GALNT13: variants seen among roughly 807,000 people sequenced by gnomAD.
GALNT13 encodes the protein polypeptide N-acetylgalactosaminyltransferase 13, also known as UDP-GalNAc:polypeptide N-acetylgalactosaminyltransferase 13.
In GALNT13, 28 loss-of-function variants were observed where a neutral mutation model predicts 64.2. The observed-to-expected ratio is 0.44, with a 90% CI of 0.32 to 0.60. GALNT13 has a LOEUF of 0.60. Ranked by LOEUF, GALNT13 falls within the 20% of genes least tolerant of loss-of-function variation. The pLI is 0.05. For synonymous variants in GALNT13, 214 were observed against 224.6 expected, an observed-to-expected ratio of 0.95 and a Z score of 0.42; for missense variants, 577 against 669.8, an observed-to-expected ratio of 0.86 and a Z score of 1.53.
At chr2:154,233,827 G>C (rs1479188804) in intron 4 of GALNT13, among the ~76,000 whole-genome samples, 1 of 152,082 alleles carries the variant, frequency 6.6e-6, no homozygotes, top group African/African-American at 2.4e-5. Flanking sequence ...GTAGGAGGGG[G>C]TGCAAGATGG....
At chr2:153,897,717 A>G (rs944509107) in intron 1 of GALNT13, among the ~76,000 whole-genome samples, 3 of 152,074 alleles carry the variant, frequency 2.0e-5, no homozygotes, top group Non-Finnish European at 2.9e-5. Context: ...CAGTCCATCT[A>G]TACTTTTTAG....
At chr2:153,680,471 A>G in the GALNT13 span, among the ~76,000 whole-genome samples, 1 of 151,908 alleles carries the variant, frequency 6.6e-6, no homozygotes, top group African/African-American at 2.4e-5. Context: ...GAGTTTGCAT[A>G]AAAGAGAATA....
At chr2:153,965,490 C>T (rs1433915503) in intron 3 of GALNT13, among the ~76,000 whole-genome samples, 4 of 152,054 alleles carry the variant, frequency 2.6e-5, no homozygotes, top group Non-Finnish European at 5.9e-5. Flanking sequence ...AGAGAATCTC[C>T]TCCTGTCAGA....
intron 9 of GALNT13, among the ~76,000 whole-genome samples, chr2:154,334,709 T>C (rs1291527760): frequency 6.6e-6 from 1 of 152,006 alleles, no homozygotes; most frequent in East Asian, 1.9e-4. Context: ...TCTCACTACA[T>C]AGGTTTGGGC....
At chr2:153,345,635 T>TTCTTTCTTTCTTTCTTTC in the GALNT13 span, among the ~76,000 whole-genome samples, 1 of 68,806 alleles carries the variant, frequency 1.5e-5, no homozygotes, top group Non-Finnish European at 3.0e-5. Flanking sequence ...TTTCCTTTCT[T>TTCTTTCTTTCTTTCTTTC]TTTCTTTCTT....
At chr2:153,942,704 T>C (rs942164736) in intron 2 of GALNT13, among the ~76,000 whole-genome samples, 11 of 152,132 alleles carry the variant, frequency 7.2e-5, no homozygotes, top group Admixed American at 1.3e-4. Flanking sequence ...TATATATATA[T>C]ACACATTCTG....
At chr2:153,120,832 A>G in the GALNT13 span, among the ~76,000 whole-genome samples, 1 of 152,148 alleles carries the variant, frequency 6.6e-6, no homozygotes, top group Admixed American at 6.5e-5. Context: ...TCACAGCTGG[A>G]GGGGCCAGAG....
chr2:154,153,707 G>C (rs1316108146), intron 4 of GALNT13, among the ~76,000 whole-genome samples: 1 of 152,208 alleles, frequency 6.6e-6, no homozygotes, highest in Non-Finnish European at 1.5e-5. Context: ...CAATCAGCGA[G>C]ACTCCATGGG....
chr2:154,286,377 A>C (rs923193506), intron 8 of GALNT13, among the ~76,000 whole-genome samples: 1 of 152,262 alleles, frequency 6.6e-6, no homozygotes, highest in South Asian at 2.1e-4. Flanking sequence ...TGAGAGTTTT[A>C]AACATAAAGC....
At chr2:153,302,349 T>G in the GALNT13 span, among the ~76,000 whole-genome samples, 1,324 of 152,316 alleles carry the variant, frequency 8.7e-3, 21 homozygotes, top group African/African-American at 0.029. Context: ...TTTGTATGTC[T>G]TCTTTTGAGA....
chr2:153,886,104 G>GA (rs554024433), intron 1 of GALNT13, among the ~76,000 whole-genome samples: 147 of 147,744 alleles, frequency 9.9e-4, no homozygotes, highest in African/African-American at 3.5e-3. Flanking sequence ...GGAAAACTGA[G>GA]AAAAAATACT....
At chr2:154,419,590 A>T (rs1344398677) in intron 11 of GALNT13, among the ~76,000 whole-genome samples, 2 of 152,158 alleles carry the variant, frequency 1.3e-5, no homozygotes, top group Non-Finnish European at 2.9e-5. Context: ...GGGATCCTAC[A>T]TTGATTTAAA....
the GALNT13 span, among the ~76,000 whole-genome samples, chr2:153,436,614 A>C: frequency 6.6e-6 from 1 of 152,076 alleles, no homozygotes; most frequent in Non-Finnish European, 1.5e-5. Context: ...GTTTATTTGC[A>C]TAGAGGTGTT....
chr2:153,150,791 G>A, the GALNT13 span, among the ~76,000 whole-genome samples: 14 of 152,076 alleles, frequency 9.2e-5, no homozygotes, highest in African/African-American at 2.2e-4. Flanking sequence ...GTAGATATGC[G>A]GCATTATTTC....
the GALNT13 span, among the ~76,000 whole-genome samples, chr2:153,558,544 A>C: frequency 2.6e-5 from 4 of 151,674 alleles, no homozygotes; most frequent in Admixed American, 1.3e-4. Context: ...TAGCAAATTG[A>C]GCTTTGCTGT....
At chr2:154,447,644 G>A (rs945114725) in intron 12 of GALNT13, among the ~76,000 whole-genome samples, 3 of 151,928 alleles carry the variant, frequency 2.0e-5, no homozygotes, top group Non-Finnish European at 4.4e-5. Flanking sequence ...GTTAGTGGAG[G>A]AAACAATTGA....
intron 7 of GALNT13, among the ~76,000 whole-genome samples, chr2:154,249,651 T>G (rs891734955): frequency 6.6e-6 from 1 of 152,150 alleles, no homozygotes; most frequent in Non-Finnish European, 1.5e-5. Flanking sequence ...TTACCTTTAA[T>G]CATCATTAAT....
the GALNT13 span, among the ~76,000 whole-genome samples, chr2:153,693,341 T>C: frequency 6.6e-6 from 1 of 152,178 alleles, no homozygotes; most frequent in Non-Finnish European, 1.5e-5. Context: ...GATTTAGCCC[T>C]GGGATCTAGG....
intron 4 of GALNT13, among the ~76,000 whole-genome samples, chr2:154,170,741 C>G (rs1685301692): frequency 6.6e-6 from 1 of 152,020 alleles, no homozygotes; most frequent in African/African-American, 2.4e-5. Context: ...GGAATAGCAC[C>G]TAAGTATTAT....
Sources: gnomAD v4.1 joint callset for allele counts (sites outside exome capture counted in the v4.1 genomes callset) on GRCh38, gnomAD v4.1.1 for gene constraint, MANE v1.5 for transcripts, NCBI Gene and HGNC (gene_info 2026-07-23, HGNC 2026-07-21) for gene names.